SIPA1: variants seen among roughly 807,000 people sequenced by gnomAD.
SIPA1 encodes signal-induced proliferation-associated 1, also known as signal-induced proliferation-associated protein 1.
SIPA1 carries 51 observed loss-of-function variants against 88.1 expected under a neutral mutation model. The ratio of observed to expected loss-of-function variants is 0.58; its 90% CI spans 0.46 to 0.73. The LOEUF is 0.73. Among genes scored for constraint, SIPA1 ranks in the 30% least tolerant of loss-of-function variants. The pLI is 0.00. For synonymous variants in SIPA1, 681 were observed against 664.8 expected (o/e 1.02, Z -0.37); for missense variants, 1,348 against 1,467.6 (o/e 0.92, Z 1.33).
chr11:65,646,714 G>C lies in SIPA1; in HGVS notation c.1680G>C (p.Leu560=), dbSNP rs1403184588. Residue 560 remains leucine (L), a synonymous_variant, in exon 8 of 16, where the codon CTG becomes CTC. Coordinates refer to ENST00000534313, the MANE Select transcript of SIPA1 (RefSeq NM_006747.4). The surrounding 1 kb of genome is among the most constrained non-coding windows in gnomAD (Gnocchi z 7.5). ...DSASRFGLPS[L]GGRRRAAPRG... ...CTTCACGCTTCGGCCTGCCCTCCCT[G>C]GGTGGGAGGCGCCGGGCGGCCCCTC... 1 of 1,537,450 alleles carries C rather than the reference G, an allele frequency of 6.5e-7. No individual in the cohort carries two copies. The highest frequency in any genetic ancestry group is 8.7e-7 in the Non-Finnish European group (1 of 1,144,274).
In SIPA1 at chr11:65,641,053, G is replaced by A; in HGVS notation, c.132G>A (p.Arg44=). The A allele has an allele frequency of 6.3e-7, 1 of 1,596,546 alleles. No homozygotes were observed. The highest frequency in any genetic ancestry group is 8.5e-7 in the Non-Finnish European group (1 of 1,175,710). The change falls in exon 2 of 16, where the codon AGG becomes AGA. Residue 44 remains arginine (R), a synonymous_variant. Transcript: ENST00000534313. Reference sequence around the variant, plus strand: ...TGACACCGCACACCTTCGAGCCGAGGCCAGTCCGGGGCCCACTCCTGCGCA... The same window carrying A: ...TGACACCGCACACCTTCGAGCCGAGACCAGTCCGGGGCCCACTCCTGCGCA... The part of the protein sequence containing the change: ...PPLTPHTFEP[R]PVRGPLLRSG...
In SIPA1 at chr11:65,645,678, G is replaced by C. The variant is rs1186564732; in HGVS notation, c.1160-176G>C. ...AGCCTGTGGAGGGAGAGGAGGAGGG[G>C]CACCCAGGGCTGAGGCCCTTGAATC... On this transcript the variant is annotated intron_variant, in intron 5 of 15. Transcript: ENST00000534313. 3 of 552,860 alleles carry C rather than the reference G, an allele frequency of 5.4e-6. No individual in the cohort carries two copies. In the Admixed American group the frequency reaches 9.2e-5, roughly 17 times the overall value. The allele number at this position is 552,860 out of a possible 1,614,324, so 34.2% of individuals were successfully genotyped here.
intron 8 of SIPA1, 115 bp from the exon 9 acceptor site, chr11:65,647,269 C>T: frequency 2.2e-6 from 3 of 1,364,792 alleles, no homozygotes; most frequent in Non-Finnish European, 2.9e-6. Flanking sequence ...GTGGCACACG[C>T]GGCCCTCGGG....
In SIPA1 at chr11:65,645,085, G is replaced by C. The variant is rs138125862; in HGVS notation, c.1115G>C (p.Arg372Pro). The C allele has an allele frequency of 1.2e-6, 2 of 1,614,020 alleles. No individual in the cohort carries two copies. Among genetic ancestry groups the C allele is most frequent in the Non-Finnish European group, 1.7e-6 (2 of 1,179,910 alleles). Residue 372 changes from arginine to proline, a missense_variant, in exon 5 of 16, where the codon CGG (arginine) becomes CCG (proline). Arg to Pro is a moderately radical substitution (Grantham distance 103). Coordinates refer to ENST00000534313, the MANE Select transcript of SIPA1 (RefSeq NM_006747.4). ...QFLTLLGDVV[R>P]LKGFESYRAQ... ...CTCACCTTGCTGGGCGATGTGGTGC[G>C]GCTCAAAGGCTTTGAGAGTTACCGG... is the stretch of plus-strand genomic sequence containing the variant.
chr11:65,641,964 G>C (rs552084585), intron 2 of SIPA1, among the ~76,000 whole-genome samples: 2 of 152,214 alleles, frequency 1.3e-5, no homozygotes, highest in African/African-American at 4.8e-5. Context: ...CGGAGAGAGG[G>C]CTCCAGGACA....
In SIPA1 at chr11:65,646,943, G is replaced by T. The variant is rs1375457312; in HGVS notation, c.1909G>T (p.Val637Leu). The T allele has an allele frequency of 1.2e-5, 18 of 1,537,720 alleles. No homozygotes were observed. Among genetic ancestry groups the T allele is most frequent in the Non-Finnish European group, 1.6e-5 (18 of 1,147,380 alleles). The change falls in exon 8 of 16, where the codon GTG becomes TTG. Residue 637 changes from valine to leucine, a missense_variant. Physicochemically the swap from Val to Leu is conservative, Grantham distance 32. Transcript: ENST00000534313. The surrounding 1 kb of genome is among the most constrained non-coding windows in gnomAD (Gnocchi z 7.5). ...RVVFNCACRD[V>L]LAWTFSEQQL... ...AGTGTTCAATTGCGCCTGTCGCGACGTGCTGGCCTGGACCTTCTCCGAGCA... is the reference window on the plus strand; with the variant it reads ...AGTGTTCAATTGCGCCTGTCGCGACTTGCTGGCCTGGACCTTCTCCGAGCA...
rs1856151304 is a variant in SIPA1 at position 65,647,462 on chromosome 11, G to A, written c.2110G>A (p.Ala704Thr). Residue 704 changes from alanine (A) to threonine (T), a missense_variant, in exon 9 of 16, where the codon GCC (alanine) becomes ACC (threonine). Transcript: ENST00000534313. ...AGGCCGCCTGGGCTTCGAGGTGGAC[G>A]CCGAGGGATTCGTCACGCACGTGGA... ...GQGRLGFEVDAEGFVTHVERF... is the reference protein window; with the variant it reads ...GQGRLGFEVDTEGFVTHVERF... 3 of 1,480,494 alleles carry A rather than the reference G, an allele frequency of 2.0e-6. No homozygotes were observed. Among genetic ancestry groups the A allele is most frequent in the South Asian group, 1.3e-5 (1 of 79,846 alleles). The allele number at this position is 1,480,494 out of a possible 1,614,324, so 91.7% of individuals were successfully genotyped here.
chr11:65,638,731 T>C (rs1413331101), intron 1 of SIPA1, among the ~76,000 whole-genome samples: 1 of 152,148 alleles, frequency 6.6e-6, no homozygotes, highest in Non-Finnish European at 1.5e-5. Context: ...CCCGGAGGAA[T>C]GTCCTAGCCT....
Position 65,650,685 on chromosome 11 carries a change from G to T in SIPA1, c.3099G>T (p.Gln1033His). The T allele has an allele frequency of 6.3e-7, 1 of 1,580,706 alleles. No individual in the cohort carries two copies. The highest frequency in any genetic ancestry group is 2.3e-5 in the East Asian group (1 of 43,320). Reference protein sequence around the residue: ...AATRLLLASKQLGSPTADLA With the variant: ...AATRLLLASKHLGSPTADLA ...CACGCCTCCTCCTGGCCTCCAAGCA[G>T]CTGGGCTCACCCACCGCCGACCTGG... The change falls in exon 16 of 16, where the codon CAG (glutamine) becomes CAT (histidine). Residue 1033 changes from glutamine to histidine, a missense_variant. Around this residue, in one of 4 missense-constraint regions of SIPA1, gnomAD observed 615 missense variants for 559.8 expected, o/e 1.10. Transcript: ENST00000534313.
Position 65,650,901 on chromosome 11 carries a change from G to T in SIPA1, c.*186G>T. On this transcript the variant is annotated 3_prime_UTR_variant, in exon 16 of 16. Coordinates refer to ENST00000534313, the MANE Select transcript of SIPA1 (RefSeq NM_006747.4). ...TGTGGAGAAAAGAGGACTTCAGGGA[G>T]TAAAAAAGCCACTGATGTCTGTGTC... 3.0e-6 allele frequency: 2 copies of T among 659,754 alleles called. No individual in the cohort carries two copies. The highest frequency in any genetic ancestry group is 5.0e-6 in the Non-Finnish European group (2 of 401,950). 40.9% of individuals were successfully genotyped at this position (659,754 alleles called of 1,614,324 possible).
chr11:65,641,024 C>G lies in SIPA1; in HGVS notation c.103C>G (p.Pro35Ala). 10 of 1,591,102 alleles carry G rather than the reference C, an allele frequency of 6.3e-6. No homozygotes were observed. The highest frequency in any genetic ancestry group is 8.5e-6 in the Non-Finnish European group (10 of 1,173,378). ...ARKLRQPARP[P>A]LTPHTFEPRP... ...CAAGCTGCGCCAGCCAGCAAGGCCC[C>G]CGCTGACACCGCACACCTTCGAGCC... The change falls in exon 2 of 16, where the codon CCG (proline) becomes GCG (alanine). Residue 35 changes from proline to alanine, a missense_variant. Physicochemically the swap from Pro to Ala is conservative, Grantham distance 27 (BLOSUM62 -1). Around this residue, in one of 4 missense-constraint regions of SIPA1, gnomAD observed 641 missense variants for 797.7 expected, o/e 0.80. Transcript: ENST00000534313.
In SIPA1 at chr11:65,641,302, T is replaced by C. The variant is rs777880133; in HGVS notation, c.381T>C (p.Asp127=). The change falls in exon 2 of 16, where the codon GAT becomes GAC. Residue 127 remains aspartate (D), a synonymous_variant. Transcript: ENST00000534313. ...AHYDVQSLLF[D]WAPRSQGMGS... ...ATGACGTGCAAAGCCTGCTCTTTGA[T>C]TGGGCTCCGAGGTCTCAGGGGATGG... 6.8e-6 allele frequency: 11 copies of C among 1,613,512 alleles called. No individual in the cohort carries two copies. Among genetic ancestry groups the C allele is most frequent in the African/African-American group, 2.7e-5 (2 of 74,936 alleles).
chr11:65,641,777 G>A (rs527324568), intron 2 of SIPA1, among the ~76,000 whole-genome samples, 177 bp downstream of exon 2: 1 of 152,306 alleles, frequency 6.6e-6, no homozygotes, highest in African/African-American at 2.4e-5. Context: ...ACCTTCTTAA[G>A]GCTAATCCCT....
In SIPA1 at chr11:65,642,107, C is replaced by A. The variant is rs1856015688; in HGVS notation, c.680-143C>A. ...TGAGATCAAGATATTGAGCTCGGGG[C>A]TACAGAGGGGCGGGACTTAGTCTAG... On this transcript the variant is annotated intron_variant, in intron 2 of 15. Coordinates refer to ENST00000534313, the MANE Select transcript of SIPA1 (RefSeq NM_006747.4). The surrounding 1 kb of genome is among the most constrained non-coding windows in gnomAD (Gnocchi z 6.5). 1 of 1,193,402 alleles carries A rather than the reference C, an allele frequency of 8.4e-7. No individual in the cohort carries two copies. The highest frequency in any genetic ancestry group is 1.2e-6 in the Non-Finnish European group (1 of 855,216). The allele number at this position is 1,193,402 out of a possible 1,614,324, so 73.9% of individuals were successfully genotyped here.
At position 65,645,903 on chromosome 11, in the gene SIPA1, G is replaced by GAT. The variant is rs1565181191; in HGVS notation, c.1210_1211dup (p.Met405SerfsTer30). The GAT allele has an allele frequency of 1.2e-6, 2 of 1,613,778 alleles. No homozygotes were observed. Among genetic ancestry groups the GAT allele is most frequent in the Non-Finnish European group, 8.5e-7 (1 of 1,179,814 alleles). ...TCTACACCACATACCAGGACCACGA[G>GAT]ATCATGTTCCACGTGTCCACGATGC... On this transcript the variant is annotated frameshift_variant, in exon 6 of 16. Coordinates refer to ENST00000534313, the MANE Select transcript of SIPA1 (RefSeq NM_006747.4). LOFTEE classifies it high-confidence loss of function.
In SIPA1 at chr11:65,646,064, C is replaced by A. The variant is rs535196473; in HGVS notation, c.1263+107C>A. 1.6e-6 allele frequency: 2 copies of A among 1,252,250 alleles called. No individual in the cohort carries two copies. Among genetic ancestry groups the A allele is most frequent in the East Asian group, 4.8e-5 (2 of 41,744 alleles). 77.6% of individuals were successfully genotyped at this position (1,252,250 alleles called of 1,614,324 possible). A position where few individuals can be genotyped will look rare whatever the true frequency, so the allele number is the denominator to read the frequency against. On this transcript the variant is annotated intron_variant, in intron 6 of 15. Coordinates refer to ENST00000534313, the MANE Select transcript of SIPA1 (RefSeq NM_006747.4). This position sits in a 1 kb window ranked among gnomAD's most constrained non-coding sequence, Gnocchi z 7.5. ...CGGAGCTCTGTTGGCCCCAACAGCCCGCCCCTCTGGTGGCCCCTTCCCAAA... is the reference window on the plus strand; with the variant it reads ...CGGAGCTCTGTTGGCCCCAACAGCCAGCCCCTCTGGTGGCCCCTTCCCAAA...
intron 9 of SIPA1, 184 bp from the exon 10 acceptor site, chr11:65,649,078 G>A: frequency 1.8e-6 from 1 of 571,366 alleles, no homozygotes; most frequent in Non-Finnish European, 3.2e-6. Context: ...TACAGGGGCA[G>A]CACTGGAATT....
chr11:65,646,706 C>A lies in SIPA1; in HGVS notation c.1672C>A (p.Pro558Thr). 1 of 1,539,514 alleles carries A rather than the reference C, an allele frequency of 6.5e-7. No individual in the cohort carries two copies. Among genetic ancestry groups the A allele is most frequent in the Non-Finnish European group, 8.7e-7 (1 of 1,145,142 alleles). ...SLDSASRFGL[P>T]SLGGRRRAAP... is the part of the protein sequence containing the mutation. ...GGACTCGGCTTCACGCTTCGGCCTG[C>A]CCTCCCTGGGTGGGAGGCGCCGGGC... Residue 558 changes from proline (P) to threonine (T), a missense_variant, in exon 8 of 16, where the codon CCC (proline) becomes ACC (threonine). Around this residue, in one of 4 missense-constraint regions of SIPA1, gnomAD observed 641 missense variants for 797.7 expected, o/e 0.80. Coordinates refer to ENST00000534313, the MANE Select transcript of SIPA1 (RefSeq NM_006747.4). This position sits in a 1 kb window ranked among gnomAD's most constrained non-coding sequence, Gnocchi z 7.5.
rs1228951274 is a variant in SIPA1, at chr11:65,642,962, C to T, written c.984+323C>T. Among the ~76,000 whole-genome samples, 1 of 151,856 alleles carries T rather than the reference C, an allele frequency of 6.6e-6. No individual in the cohort carries two copies. The highest frequency in any genetic ancestry group is 1.5e-5 in the Non-Finnish European group (1 of 68,018). On this transcript the variant is annotated intron_variant, in intron 4 of 15. Transcript: ENST00000534313. The surrounding 1 kb of genome is among the most constrained non-coding windows in gnomAD (Gnocchi z 6.5). ...ATGGAGTCTCGCTCTGTCACCCAGG[C>T]TGGAGTGCAATGGTGGAATCTCAGC...
Sources: gnomAD v4.1 joint callset for allele counts (sites outside exome capture counted in the v4.1 genomes callset) on GRCh38, gnomAD v4.1.1 for gene constraint, gnomAD v4.1.1 regional missense constraint, Gnocchi (gnomAD v3.1) non-coding constraint, MANE v1.5 for transcripts, NCBI Gene and HGNC (gene_info 2026-07-23, HGNC 2026-07-21) for gene names.